MSRA: variants seen among roughly 807,000 people sequenced by gnomAD.
MSRA encodes mitochondrial peptide methionine sulfoxide reductase.
MSRA carries 54 observed loss-of-function variants against 31.3 expected under a neutral mutation model. That is an observed-to-expected ratio of 1.73 (90% CI 1.39 to 2.17). The LOEUF is 2.17. MSRA is among the 30% of genes most tolerant of loss of function. The pLI, the probability that MSRA is intolerant of heterozygous loss-of-function variation, is 0.00. For missense variants in MSRA, 507 were observed against 300.9 expected (o/e 1.69, Z -5.07); for synonymous variants, 169 against 116.5 (o/e 1.45, Z -2.90).
intron 1 of MSRA, among the ~76,000 whole-genome samples, chr8:10,091,610 T>G (rs113904163): frequency 0.049 from 7,434 of 151,382 alleles, 258 homozygotes; most frequent in South Asian, 0.1. Context: ...TATGGTAGTT[T>G]TTTTTTTTTT....
At chr8:10,315,741 G>T (rs74436580) in intron 4 of MSRA, among the ~76,000 whole-genome samples, 1 of 152,192 alleles carries the variant, frequency 6.6e-6, no homozygotes, top group Non-Finnish European at 1.5e-5. Context: ...GACTTGCAAT[G>T]ATGACCTAAA....
chr8:10,143,566 C>G (rs1477101884), intron 1 of MSRA, among the ~76,000 whole-genome samples: 1 of 152,098 alleles, frequency 6.6e-6, no homozygotes, highest in Non-Finnish European at 1.5e-5. Flanking sequence ...AACATTATTG[C>G]CAGACATAAA....
intron 1 of MSRA, among the ~76,000 whole-genome samples, chr8:10,149,397 T>TA (rs1029086593): frequency 6.6e-6 from 1 of 152,218 alleles, no homozygotes; most frequent in Admixed American, 6.5e-5. Context: ...GTGCTGGGGT[T>TA]ACAGGCGTGA....
chr8:10,162,963 A>G (rs1311139365), intron 1 of MSRA, among the ~76,000 whole-genome samples: 1 of 152,132 alleles, frequency 6.6e-6, no homozygotes, highest in African/African-American at 2.4e-5. Flanking sequence ...CTAGGTTGAA[A>G]TCCTAGCCCA....
At chr8:10,399,657 A>C (rs1362824843) in intron 5 of MSRA, among the ~76,000 whole-genome samples, 1 of 152,190 alleles carries the variant, frequency 6.6e-6, no homozygotes, top group Non-Finnish European at 1.5e-5. Flanking sequence ...CCAGCCTCTG[A>C]TATTTATTTA....
chr8:10,354,980 C>T (rs1179393914), intron 5 of MSRA, among the ~76,000 whole-genome samples: 1 of 152,006 alleles, frequency 6.6e-6, no homozygotes. Context: ...AGAATAAGTT[C>T]CCAGAAGAGG....
chr8:10,065,739 G>T (rs1450756600), intron 1 of MSRA, among the ~76,000 whole-genome samples: 1 of 152,208 alleles, frequency 6.6e-6, no homozygotes, highest in African/African-American at 2.4e-5. Flanking sequence ...TGCTTCCGCT[G>T]TTGCCGGATG....
At chr8:10,305,054 A>C (rs1400653718) in intron 4 of MSRA, among the ~76,000 whole-genome samples, 1 of 152,244 alleles carries the variant, frequency 6.6e-6, no homozygotes, top group East Asian at 1.9e-4. Flanking sequence ...AATGTGACTC[A>C]AGAGAAATGT....
chr8:10,398,843 T>C (rs992778281), intron 5 of MSRA, among the ~76,000 whole-genome samples: 14 of 152,230 alleles, frequency 9.2e-5, no homozygotes, highest in African/African-American at 3.1e-4. Context: ...GCAAAAAATA[T>C]CACCATTGCT....
chr8:10,153,255 G>T (rs4498546), intron 1 of MSRA, among the ~76,000 whole-genome samples: 2 of 151,960 alleles, frequency 1.3e-5, no homozygotes, highest in South Asian at 2.1e-4. Flanking sequence ...CCGTTGTCTG[G>T]GGGGAGCATG....
chr8:10,406,173 G>A (rs1201616187), intron 5 of MSRA, among the ~76,000 whole-genome samples: 2 of 152,348 alleles, frequency 1.3e-5, no homozygotes, highest in East Asian at 1.9e-4. Flanking sequence ...GGGCAGTGGC[G>A]GGAGAGAGTG....
chr8:10,369,605 G>A (rs1406739183), intron 5 of MSRA, among the ~76,000 whole-genome samples: 1 of 152,020 alleles, frequency 6.6e-6, no homozygotes, highest in Non-Finnish European at 1.5e-5. Context: ...ATAAAAGGAG[G>A]ATAGAAATTT....
At chr8:10,371,439 C>G (rs975181197) in intron 5 of MSRA, among the ~76,000 whole-genome samples, 19 of 152,114 alleles carry the variant, frequency 1.2e-4, no homozygotes, top group African/African-American at 4.3e-4. Flanking sequence ...TGACAGAAGC[C>G]TTCTTTCTAG....
intron 1 of MSRA, among the ~76,000 whole-genome samples, chr8:10,063,809 A>G (rs975104899): frequency 6.6e-6 from 1 of 152,204 alleles, no homozygotes; most frequent in African/African-American, 2.4e-5. Flanking sequence ...AGAAGCTCCT[A>G]TTATTGATAA....
intron 1 of MSRA, among the ~76,000 whole-genome samples, chr8:10,200,926 C>T (rs1016975892): frequency 6.6e-5 from 10 of 152,232 alleles, no homozygotes; most frequent in South Asian, 2.1e-4. Context: ...GGGCCCAGAA[C>T]GCTCAGTCAG....
chr8:10,127,575 G>A (rs1415911714), intron 1 of MSRA, among the ~76,000 whole-genome samples: 1 of 152,154 alleles, frequency 6.6e-6, no homozygotes, highest in African/African-American at 2.4e-5. Flanking sequence ...GAAATGAGTG[G>A]AGGATGATAC....
Position 10,304,471 on chromosome 8 carries a change from C to T in MSRA, c.436+2833C>T, listed in dbSNP as rs114452641. Among the ~76,000 whole-genome samples the T allele has an allele frequency of 2.3e-3, 345 of 152,290 alleles. 1 individual carries two copies. Among genetic ancestry groups the T allele is most frequent in the African/African-American group, 7.9e-3 (329 of 41,556 alleles). ...TTAAAGGCAAAAAACAAACAATAACCAACCCTTAAGTTCAGAATAACTCTG... is the reference window on the plus strand; with the variant it reads ...TTAAAGGCAAAAAACAAACAATAACTAACCCTTAAGTTCAGAATAACTCTG... On this transcript the variant is annotated intron_variant, in intron 4 of 5. Coordinates refer to ENST00000317173, the MANE Select transcript of MSRA (RefSeq NM_012331.5).
intron 5 of MSRA, among the ~76,000 whole-genome samples, chr8:10,368,478 G>T (rs1383026912): frequency 6.6e-6 from 1 of 152,194 alleles, no homozygotes; most frequent in Non-Finnish European, 1.5e-5. Context: ...CGGAAGCCCT[G>T]GGGCCGAGGT....
intron 1 of MSRA, among the ~76,000 whole-genome samples, chr8:10,109,591 C>G (rs183982119): frequency 1.3e-5 from 2 of 152,324 alleles, no homozygotes; most frequent in Admixed American, 1.3e-4. Context: ...ATCTACCCAT[C>G]TTGGCCTCCC....
Sources: gnomAD v4.1 joint callset for allele counts (sites outside exome capture counted in the v4.1 genomes callset) on GRCh38, gnomAD v4.1.1 for gene constraint, MANE v1.5 for transcripts, NCBI Gene and HGNC (gene_info 2026-07-23, HGNC 2026-07-21) for gene names.